FAM167A: variants seen among roughly 807,000 people sequenced by gnomAD.
The protein encoded by FAM167A is protein FAM167A.
A neutral mutation model predicts 14.9 loss-of-function variants in FAM167A; 23 were observed. That is an observed-to-expected ratio of 1.55 (90% CI 1.11 to 2.19). FAM167A has a LOEUF of 2.19. Ranked by LOEUF, FAM167A falls within the 30% of genes most tolerant of loss-of-function variation. The probability of loss-of-function intolerance (pLI) is 0.00; values close to 1 mark genes in which losing one functional copy is unlikely to be tolerated. For synonymous variants in FAM167A, 174 were observed against 117.7 expected, an observed-to-expected ratio of 1.48 and a Z score of -3.10; for missense variants, 401 against 281.5, an observed-to-expected ratio of 1.42 and a Z score of -3.04.
At chr8:11,467,901 C>T (rs946145298), upstream of FAM167A, among the ~76,000 whole-genome samples, 1 of 152,260 alleles carries the variant, frequency 6.6e-6, no homozygotes, top group African/African-American at 2.4e-5. Flanking sequence ...AATGAGGGAA[C>T]GGTCCTAAGC....
intron 1 of FAM167A, among the ~76,000 whole-genome samples, chr8:11,448,019 C>G (rs911974389): frequency 6.6e-6 from 1 of 152,092 alleles, no homozygotes; most frequent in Non-Finnish European, 1.5e-5. Context: ...CATAGTGAAA[C>G]CCCGTCTCTA....
intron 1 of FAM167A, among the ~76,000 whole-genome samples, chr8:11,473,558 G>C (rs1215833291): frequency 6.6e-6 from 1 of 152,174 alleles, no homozygotes; most frequent in African/African-American, 2.4e-5. Context: ...CTGCCACGTA[G>C]ATGTTCAAAC....
intron 1 of FAM167A, among the ~76,000 whole-genome samples, chr8:11,455,845 T>C (rs1218254167): frequency 1.1e-5 from 1 of 93,542 alleles, no homozygotes; most frequent in Admixed American, 1.1e-4. Flanking sequence ...AGTGTGAGGG[T>C]TGGTTGCCTT....
chr8:11,427,796 C>T (rs1325186208), intron 2 of FAM167A, among the ~76,000 whole-genome samples: 1 of 152,200 alleles, frequency 6.6e-6, no homozygotes, highest in African/African-American at 2.4e-5. Context: ...TTCATAGCCA[C>T]ATTCATTAGT....
At chr8:11,445,063 GC>G (rs1408040877) in intron 1 of FAM167A, 3 of 905,416 alleles carry the variant, frequency 3.3e-6, no homozygotes, top group African/African-American at 1.8e-5. Context: ...CTTATTTAAT[GC>G]CCCCAGCAAG....
In FAM167A at chr8:11,430,109, C is replaced by T. The variant is rs183721183; in HGVS notation, c.382-5473G>A. ...TTTCATGCTGTCTCTGGCAAAGGCTCTACCATAGGATGTGCCAATTTCCAG... is the reference window on the plus strand; with the variant it reads ...TTTCATGCTGTCTCTGGCAAAGGCTTTACCATAGGATGTGCCAATTTCCAG... On this transcript the variant is annotated intron_variant, in intron 2 of 2. Transcript: ENST00000284486. 2.6e-4 allele frequency among the ~76,000 whole-genome samples: 39 copies of T among 152,314 alleles called. 1 individual carries two copies. Among genetic ancestry groups the T allele is most frequent in the Middle Eastern group, 3.4e-3 (1 of 294 alleles).
intron 1 of FAM167A, among the ~76,000 whole-genome samples, chr8:11,463,528 G>C (rs989428343): frequency 2.0e-5 from 3 of 152,178 alleles, no homozygotes; most frequent in East Asian, 3.9e-4. Flanking sequence ...CCCAGCCTTC[G>C]AGAAGGCCTG....
In FAM167A at chr8:11,444,277, G is replaced by T. The variant is rs765394039; in HGVS notation, c.135C>A (p.Ser45=). 7.4e-6 allele frequency: 12 copies of T among 1,611,518 alleles called. No homozygotes were observed. Among genetic ancestry groups the T allele is most frequent in the Non-Finnish European group, 1.0e-5 (12 of 1,179,552 alleles). The part of the protein sequence containing the change: ...EKLRLETRRP[S]YLEWQARLEE... ...CCAGCCTGGCCTGCCATTCCAGGTA[G>T]GAGGGCCTGCGGGTCTCCAGCCTCA... Residue 45 remains serine, a synonymous_variant, in exon 2 of 3, where the codon TCC becomes TCA. Transcript: ENST00000284486.
At chr8:11,446,016 CAAAAAAAAAAAA>C (rs36111790) in intron 1 of FAM167A, among the ~76,000 whole-genome samples, 3 of 84,302 alleles carry the variant, frequency 3.6e-5, no homozygotes, top group African/African-American at 9.9e-5. Flanking sequence ...ACATCCCGGC[CAAAAAAAAAAAA>C]AAAAAAAAAG....
At chr8:11,429,368 C>T (rs1175548575) in intron 2 of FAM167A, among the ~76,000 whole-genome samples, 3 of 152,300 alleles carry the variant, frequency 2.0e-5, no homozygotes, top group Admixed American at 6.5e-5. Flanking sequence ...GGCGGTTGCC[C>T]GGGAAGGCAC....
In FAM167A at chr8:11,461,347, C is replaced by T. The variant is rs143427871; in HGVS notation, c.-398+5279G>A. Reference sequence around the variant, plus strand: ...AGGATGTGGTTTTCCTCCCGGGAAACGCTCGACAAGGCAGGGATGCCCAGA... The same window carrying T: ...AGGATGTGGTTTTCCTCCCGGGAAATGCTCGACAAGGCAGGGATGCCCAGA... On this transcript the variant is annotated intron_variant, in intron 1 of 2. Transcript: ENST00000284486. Among the ~76,000 whole-genome samples, 16 of 152,386 alleles carry T rather than the reference C, an allele frequency of 1.0e-4. No individual in the cohort carries two copies. The East Asian group carries it at 1.5e-3, about 15-fold the overall frequency.
At chr8:11,459,585 G>A (rs1477206575) in intron 1 of FAM167A, among the ~76,000 whole-genome samples, 1 of 152,226 alleles carries the variant, frequency 6.6e-6, no homozygotes, top group Non-Finnish European at 1.5e-5. Context: ...CCGGGGCTGG[G>A]GTCTTAGTCC....
At chr8:11,435,146 C>G (rs1297591514) in intron 2 of FAM167A, 1 of 456,594 alleles carries the variant, frequency 2.2e-6, no homozygotes, top group African/African-American at 2.0e-5. Flanking sequence ...CCAGCCTCCT[C>G]TCCCACTCTG....
chr8:11,457,302 T>A (rs1412677359), intron 1 of FAM167A, among the ~76,000 whole-genome samples: 1 of 151,808 alleles, frequency 6.6e-6, no homozygotes, highest in Non-Finnish European at 1.5e-5. Flanking sequence ...GCTGCCGGGG[T>A]TTCCCCTCCC....
Position 11,422,379 on chromosome 8 carries a change from TG to T in FAM167A, c.*1993del, listed in dbSNP as rs1563350324. On this transcript the variant is annotated 3_prime_UTR_variant, in exon 3 of 3. Coordinates refer to ENST00000284486, the MANE Select transcript of FAM167A (RefSeq NM_053279.3). ...TCGTGTGTGTGTGTGTGGGGGTGTGTGTGTGTGTGTGTGTGTGTGTGTGTGT... is the reference window on the plus strand; with the variant it reads ...TCGTGTGTGTGTGTGTGGGGGTGTGTTGTGTGTGTGTGTGTGTGTGTGTGT... 12 of 101,548 alleles carry T rather than the reference TG, an allele frequency of 1.2e-4. No homozygotes were observed. The highest frequency in any genetic ancestry group is 2.0e-4 in the East Asian group (1 of 5,064). 6.3% of individuals were successfully genotyped at this position (101,548 alleles called of 1,614,324 possible).
chr8:11,440,378 G>A (rs1198204238), intron 2 of FAM167A, among the ~76,000 whole-genome samples: 1 of 152,224 alleles, frequency 6.6e-6, no homozygotes, highest in African/African-American at 2.4e-5. Flanking sequence ...GATCCCTGGG[G>A]GGCGTCAGGA....
At chr8:11,469,566 T>C (rs1380273881), upstream of FAM167A, among the ~76,000 whole-genome samples, 3 of 152,146 alleles carry the variant, frequency 2.0e-5, no homozygotes, top group Non-Finnish European at 4.4e-5. Flanking sequence ...GTGAAATAGA[T>C]GAGTCAAGAA....
chr8:11,434,103 G>A (rs1585240236), intron 2 of FAM167A: 1 of 152,208 alleles, frequency 6.6e-6, no homozygotes, highest in Non-Finnish European at 1.5e-5. Flanking sequence ...GGGGAAATGT[G>A]AAGAAAGAAA....
intron 2 of FAM167A, among the ~76,000 whole-genome samples, chr8:11,442,029 CT>C (rs904110533): frequency 2.6e-5 from 4 of 152,224 alleles, no homozygotes; most frequent in African/African-American, 9.6e-5. Context: ...ATATAAAGCA[CT>C]TTTAATAATG....
Sources: allele counts gnomAD v4.1 joint callset (sites outside exome capture counted in the v4.1 genomes callset), GRCh38; gene constraint gnomAD v4.1.1; transcripts MANE v1.5; gene names NCBI Gene and HGNC (gene_info 2026-07-23, HGNC 2026-07-21).